IL1RAPL1: variants seen among roughly 807,000 people sequenced by gnomAD.
IL1RAPL1 encodes interleukin-1 receptor accessory protein-like 1.
Under a neutral mutation model 48.4 loss-of-function variants are expected in IL1RAPL1, and 3 were observed. The observed-to-expected ratio is 0.06, with a 90% confidence interval of 0.03 to 0.16. The LOEUF (loss-of-function observed/expected upper bound fraction) is 0.16, where lower values mean the gene tolerates loss of function less well. Among genes scored for constraint, IL1RAPL1 ranks in the 10% least tolerant of loss-of-function variants. The probability of loss-of-function intolerance (pLI) is 1.00; values close to 1 mark genes in which losing one functional copy is unlikely to be tolerated. For synonymous variants in IL1RAPL1, 185 were observed against 187.7 expected (o/e 0.99, Z 0.12); for missense variants, 349 against 530.6 (o/e 0.66, Z 3.36).
chrX:29,906,239 A>G (rs893872776), intron 6 of IL1RAPL1, among the ~76,000 whole-genome samples: 36 of 104,243 alleles, frequency 3.5e-4, no homozygotes, highest in African/African-American at 1.1e-3. Flanking sequence ...GGAGGCTGAG[A>G]CAGGAGAATG....
intron 2 of IL1RAPL1, among the ~76,000 whole-genome samples, chrX:28,901,695 T>G (rs966597878): frequency 8.9e-6 from 1 of 112,010 alleles, no homozygotes; most frequent in African/African-American, 3.2e-5. Context: ...TTCATGAAAG[T>G]TTGAGGTATA....
intron 1 of IL1RAPL1, among the ~76,000 whole-genome samples, chrX:28,749,585 A>G (rs762718288): frequency 3.6e-5 from 4 of 111,064 alleles, no homozygotes; most frequent in Non-Finnish European, 7.6e-5. Context: ...CTATTAAGGT[A>G]TTTTGCCCAT....
chrX:29,747,516 C>T (rs1283774396), intron 6 of IL1RAPL1, among the ~76,000 whole-genome samples: 2 of 112,119 alleles, frequency 1.8e-5, no homozygotes, highest in Non-Finnish European at 3.8e-5. Context: ...CTCCCTTGTG[C>T]AGTGTGCCAG....
At chrX:29,820,439 A>G (rs921531254) in intron 6 of IL1RAPL1, among the ~76,000 whole-genome samples, 1 of 112,104 alleles carries the variant, frequency 8.9e-6, no homozygotes, top group African/African-American at 3.2e-5. Context: ...TGCGGGTTGA[A>G]GCAGAGCTGA....
chrX:28,831,218 G>A lies in IL1RAPL1; in HGVS notation c.82+41793G>A, dbSNP rs1404980167. Among the ~76,000 whole-genome samples the A allele has an allele frequency of 3.1e-5, 3 of 95,493 alleles. No individual in the cohort carries two copies. The East Asian group carries it at 9.6e-4, about 30-fold the overall frequency. The allele number at this position is 95,493 out of a possible 115,157, so 82.9% of individuals were successfully genotyped here. On this transcript the variant is annotated intron_variant, in intron 2 of 10. Coordinates refer to ENST00000378993, the MANE Select transcript of IL1RAPL1 (RefSeq NM_014271.4). ...GACTATAGCTCTGAACTTACTCACA[G>A]CCTACTAGATCCCCAGAAATATTTC...
At chrX:29,170,002 C>T (rs889551577) in intron 2 of IL1RAPL1, among the ~76,000 whole-genome samples, 3 of 110,869 alleles carry the variant, frequency 2.7e-5, no homozygotes, top group African/African-American at 6.5e-5. Flanking sequence ...GAAGCAAATA[C>T]CTTACAAAAA....
intron 2 of IL1RAPL1, among the ~76,000 whole-genome samples, chrX:29,098,003 G>A (rs1928252431): frequency 8.9e-6 from 1 of 111,822 alleles, no homozygotes; most frequent in Non-Finnish European, 1.9e-5. Flanking sequence ...AAAGTTGAAA[G>A]TTCTATATTC....
intron 5 of IL1RAPL1, among the ~76,000 whole-genome samples, chrX:29,419,073 T>C (rs1348145743): frequency 8.9e-6 from 1 of 111,954 alleles, no homozygotes; most frequent in Admixed American, 9.6e-5. Context: ...TAAGAAGTTA[T>C]AGCTACTTCT....
At chrX:29,895,412 T>C (rs1601871221) in intron 6 of IL1RAPL1, among the ~76,000 whole-genome samples, 1 of 110,339 alleles carries the variant, frequency 9.1e-6, no homozygotes, top group Non-Finnish European at 1.9e-5. Context: ...TTAGCCGGGG[T>C]GTGGTGGCAC....
At chrX:28,642,893 GA>G (rs1216099531) in intron 1 of IL1RAPL1, among the ~76,000 whole-genome samples, 7 of 110,330 alleles carry the variant, frequency 6.3e-5, no homozygotes, top group African/African-American at 1.3e-4. Flanking sequence ...TTTTTGAAAA[GA>G]TTTTTTTTTT....
At chrX:28,735,758 A>G (rs1337226983) in intron 1 of IL1RAPL1, among the ~76,000 whole-genome samples, 1 of 111,227 alleles carries the variant, frequency 9.0e-6, no homozygotes, top group Admixed American at 9.6e-5. Flanking sequence ...CAGCAGGGCA[A>G]TACCCTGTCT....
chrX:29,182,228 A>G lies in IL1RAPL1; in HGVS notation c.83-100710A>G, dbSNP rs943807441. Among the ~76,000 whole-genome samples, 5 of 111,171 alleles carry G rather than the reference A, an allele frequency of 4.5e-5. No homozygotes were observed. The Admixed American group carries it at 4.8e-4, about 11-fold the overall frequency. ...TGTAATGAAGCCTTCATAAAACCCC[A>G]CAATTCTTATGGAAACAGAAAAACT... On this transcript the variant is annotated intron_variant, in intron 2 of 10. Transcript: ENST00000378993.
intron 6 of IL1RAPL1, among the ~76,000 whole-genome samples, chrX:29,732,222 T>A (rs1927937693): frequency 8.9e-6 from 1 of 111,817 alleles, no homozygotes; most frequent in Non-Finnish European, 1.9e-5. Flanking sequence ...GAGACATTAG[T>A]CTTCTTTGGA....
intron 8 of IL1RAPL1, among the ~76,000 whole-genome samples, chrX:29,932,651 T>C (rs1274240967): frequency 9.0e-6 from 1 of 111,617 alleles, no homozygotes; most frequent in Non-Finnish European, 1.9e-5. Context: ...CACACACACA[T>C]ACAAATACCC....
chrX:29,591,068 A>G (rs981838532), intron 5 of IL1RAPL1, among the ~76,000 whole-genome samples: 1 of 112,287 alleles, frequency 8.9e-6, no homozygotes, highest in Non-Finnish European at 1.9e-5. Flanking sequence ...ATGAGATATC[A>G]GTGGTCTGGA....
intron 6 of IL1RAPL1, among the ~76,000 whole-genome samples, chrX:29,796,335 A>G (rs990744424): frequency 4.5e-5 from 5 of 112,310 alleles, no homozygotes; most frequent in African/African-American, 1.6e-4. Context: ...AATGACTTAT[A>G]TATCCAAATA....
At chrX:28,971,118 C>G (rs747205578) in intron 2 of IL1RAPL1, among the ~76,000 whole-genome samples, 6 of 111,082 alleles carry the variant, frequency 5.4e-5, no homozygotes, top group Non-Finnish European at 1.1e-4. Flanking sequence ...TACTTGTTTC[C>G]TTGGCCAGGG....
chrX:29,438,603 C>T (rs968526269), intron 5 of IL1RAPL1, among the ~76,000 whole-genome samples: 2 of 111,058 alleles, frequency 1.8e-5, no homozygotes, highest in African/African-American at 6.5e-5. Flanking sequence ...CATTTCAATG[C>T]ATTTTTTACA....
In IL1RAPL1 at chrX:29,300,430, G is replaced by A. The variant is rs146091079; in HGVS notation, c.362+17213G>A. ...AAAGGACACATCTTCCTTCTATAATGTGACAGATGCACTCTATAGTTACTG... is the reference window on the plus strand; with the variant it reads ...AAAGGACACATCTTCCTTCTATAATATGACAGATGCACTCTATAGTTACTG... On this transcript the variant is annotated intron_variant, in intron 3 of 10. Coordinates refer to ENST00000378993, the MANE Select transcript of IL1RAPL1 (RefSeq NM_014271.4). Among the ~76,000 whole-genome samples the A allele has an allele frequency of 2.5e-3, 280 of 112,288 alleles. 1 individual carries two copies. The highest frequency in any genetic ancestry group is 8.4e-3 in the African/African-American group (259 of 30,934).
Sources: allele counts gnomAD v4.1 joint callset (sites outside exome capture counted in the v4.1 genomes callset), GRCh38; gene constraint gnomAD v4.1.1; transcripts MANE v1.5; gene names NCBI Gene and HGNC (gene_info 2026-07-23, HGNC 2026-07-21).